Variants in CFAP46 observed in about 807,000 individuals in gnomAD.
CFAP46 encodes cilia- and flagella-associated protein 46.
In CFAP46, 245 loss-of-function variants were observed where a neutral mutation model predicts 325.7. That is an observed-to-expected ratio of 0.75 (90% CI 0.68 to 0.84). The LOEUF is 0.84. CFAP46 is among the 40% of genes least tolerant of loss of function. The pLI is 0.00. For synonymous variants in CFAP46, 1,523 were observed against 1,495.9 expected (o/e 1.02, Z -0.42); for missense variants, 3,346 against 3,543.0 (o/e 0.94, Z 1.41).
chr10:132,834,544 C>T (rs3793688), intron 48 of CFAP46, 110 bp downstream of exon 48: 584,270 of 1,474,588 alleles, frequency 0.4, 119,211 homozygotes, highest in Admixed American at 0.56. Context: ...GAGTCCTGAA[C>T]AAAGGCGGCC....
At chr10:132,899,218 C>A in intron 23 of CFAP46, 97 bp from the exon 24 acceptor site, 2 of 1,332,414 alleles carry the variant, frequency 1.5e-6, no homozygotes, top group Non-Finnish European at 2.0e-6. Flanking sequence ...CAGGGCCCAG[C>A]CACACGCTCG....
intron 1 of CFAP46, 134 bp from the exon 2 acceptor site, chr10:132,942,238 C>T: frequency 3.1e-6 from 4 of 1,292,916 alleles, no homozygotes; most frequent in Non-Finnish European, 4.2e-6. Context: ...CTGTCGCCGC[C>T]AGGGAGCAGC....
chr10:132,839,221 G>A (rs185116483), intron 44 of CFAP46, among the ~76,000 whole-genome samples: 98 of 152,276 alleles, frequency 6.4e-4, no homozygotes, highest in East Asian at 4.2e-3. Context: ...CTGATTTGTC[G>A]TTTTTCCCTT....
At chr10:132,834,485 T>C (rs1003780819) in intron 48 of CFAP46, among the ~76,000 whole-genome samples, 169 bp downstream of exon 48, 11 of 152,074 alleles carry the variant, frequency 7.2e-5, no homozygotes, top group African/African-American at 2.7e-4. Context: ...CAGGCAGGAA[T>C]GGAGGCAGAA....
chr10:132,838,773 G>A (rs1355409460), intron 44 of CFAP46, among the ~76,000 whole-genome samples: 1 of 152,254 alleles, frequency 6.6e-6, no homozygotes, highest in South Asian at 2.1e-4. Context: ...CAGCTACAGC[G>A]ATTCTGCCAG....
chr10:132,814,730 G>T lies in CFAP46; in HGVS notation c.7205C>A (p.Thr2402Asn). 6.2e-7 allele frequency: 1 copy of T among 1,613,498 alleles called. No homozygotes were observed. The highest frequency in any genetic ancestry group is 1.1e-5 in the South Asian group (1 of 91,058). The change falls in exon 52 of 58, where the codon ACC becomes AAC. Residue 2402 changes from threonine (T) to asparagine (N), a missense_variant. Coordinates refer to ENST00000368586, the MANE Select transcript of CFAP46 (RefSeq NM_001200049.3). ...KKGRKGSIPR[T>N]IPPDCIIVDS... ...GACTATGATGCAGTCAGGGGGGATG[G>T]TCCGGGGGATGCTGCCCTGCAACCA...
rs1003895749 is a variant in CFAP46 at position 132,924,900 on chromosome 10, G to A, written c.1066-14C>T. 50 of 1,371,348 alleles carry A rather than the reference G, an allele frequency of 3.6e-5. No individual in the cohort carries two copies. The highest frequency in any genetic ancestry group is 2.0e-4 in the African/African-American group (13 of 65,382). 84.9% of individuals were successfully genotyped at this position (1,371,348 alleles called of 1,614,324 possible). Reference sequence around the variant, plus strand: ...ATCCAGCTGGGCCTGCGGAGAAGACGTGGGGGATTCTAGGGAGGTTGCTGG... The same window carrying A: ...ATCCAGCTGGGCCTGCGGAGAAGACATGGGGGATTCTAGGGAGGTTGCTGG... On this transcript the variant is annotated splice_polypyrimidine_tract_variant and intron_variant, in intron 10 of 57. Coordinates refer to ENST00000368586, the MANE Select transcript of CFAP46 (RefSeq NM_001200049.3).
chr10:132,883,575 C>T (rs4880281), intron 27 of CFAP46, among the ~76,000 whole-genome samples: 52,194 of 152,160 alleles, frequency 0.34, 10,112 homozygotes, highest in Admixed American at 0.5. Flanking sequence ...TCTGATGGCC[C>T]CACACAGGGC....
In CFAP46 at chr10:132,884,233, G is replaced by A. The variant is rs530523034; in HGVS notation, c.3627+870C>T. 4.0e-4 allele frequency among the ~76,000 whole-genome samples: 61 copies of A among 152,254 alleles called. No homozygotes were observed. Among genetic ancestry groups the A allele is most frequent in the African/African-American group, 1.3e-3 (53 of 41,552 alleles). On this transcript the variant is annotated intron_variant, in intron 27 of 57. Transcript: ENST00000368586. This position sits in a 1 kb window ranked among gnomAD's most constrained non-coding sequence, Gnocchi z 5.4. ...GGAACGACGTGGCCTCTGGTTCCCCGGAGCGAGGAGCAGTGGCTCCCTGTG... is the reference window on the plus strand; with the variant it reads ...GGAACGACGTGGCCTCTGGTTCCCCAGAGCGAGGAGCAGTGGCTCCCTGTG...
chr10:132,809,257 C>CA (rs1171887580), intron 57 of CFAP46, among the ~76,000 whole-genome samples: 1 of 152,230 alleles, frequency 6.6e-6, no homozygotes, highest in East Asian at 1.9e-4. Context: ...TGAACAGTGA[C>CA]AGTCACTGGG....
chr10:132,870,681 C>T (rs1325322875), intron 32 of CFAP46, among the ~76,000 whole-genome samples: 2 of 152,274 alleles, frequency 1.3e-5, no homozygotes, highest in Admixed American at 6.5e-5. Flanking sequence ...CGCTGGGAGA[C>T]GTGAGGAAGC....
chr10:132,824,718 T>TGCTGTGTGCGC (rs1491562542), intron 50 of CFAP46, among the ~76,000 whole-genome samples: 1 of 35,624 alleles, frequency 2.8e-5, no homozygotes, highest in Non-Finnish European at 5.0e-5. Flanking sequence ...GCTGTGTGTG[T>TGCTGTGTGCGC]ACTGATGTGT....
At chr10:132,936,298 A>C (rs1344861611) in intron 7 of CFAP46, among the ~76,000 whole-genome samples, 1 of 69,334 alleles carries the variant, frequency 1.4e-5, no homozygotes, top group African/African-American at 6.5e-5. Context: ...TCCCCTCGGC[A>C]CCCAAACACA....
intron 55 of CFAP46, among the ~76,000 whole-genome samples, chr10:132,811,652 G>A (rs1007451949): frequency 3.3e-5 from 5 of 152,222 alleles, no homozygotes; most frequent in South Asian, 2.1e-4. Context: ...GTCCAGCTGC[G>A]TGAGGCCGAG....
In CFAP46 at chr10:132,849,993, C is replaced by T. The variant is rs556958485; in HGVS notation, c.5952+251G>A. Among the ~76,000 whole-genome samples the T allele has an allele frequency of 1.1e-3, 170 of 152,006 alleles. 1 individual carries two copies. The highest frequency in any genetic ancestry group is 3.9e-3 in the African/African-American group (164 of 41,548). The stretch of plus-strand genomic sequence containing the variant: ...GCTGGGGCGGGCTGGCTCTGTGCTG[C>T]TGTGGGCCGACCCAAGTGCCCGCCT... On this transcript the variant is annotated intron_variant, in intron 41 of 57. Transcript: ENST00000368586.
rs763404013 is a variant in CFAP46, at chr10:132,912,710, G to T, written c.2444C>A (p.Ala815Glu). The T allele has an allele frequency of 1.3e-6, 2 of 1,549,976 alleles. No homozygotes were observed. The highest frequency in any genetic ancestry group is 1.7e-6 in the Non-Finnish European group (2 of 1,146,960). Residue 815 changes from alanine to glutamate, a missense_variant, in exon 19 of 58, where the codon GCG becomes GAG. Ala to Glu is a moderately radical substitution (Grantham distance 107, BLOSUM62 -1). Transcript: ENST00000368586. ...EKSRKFMRPN[A>E]FHSPLDAGAT... ...TCCTGCGTCCAGTGGGCTGTGAAAC[G>T]CGTTTGGTCGCATGAATTTCCTGGA...
intron 19 of CFAP46, among the ~76,000 whole-genome samples, 179 bp from the exon 20 acceptor site, chr10:132,910,247 C>A (rs1849521422): frequency 6.6e-6 from 1 of 152,330 alleles, no homozygotes; most frequent in East Asian, 1.9e-4. Context: ...TGAAGCCCCA[C>A]CCCCAGACGC....
rs143361194 is a variant in CFAP46, at chr10:132,905,294, G to A, written c.2924+3174C>T. Among the ~76,000 whole-genome samples, 577 of 152,164 alleles carry A rather than the reference G, an allele frequency of 3.8e-3. 1 individual carries two copies. The highest frequency in any genetic ancestry group is 0.014 in the Middle Eastern group (4 of 294). On this transcript the variant is annotated intron_variant, in intron 22 of 57. Coordinates refer to ENST00000368586, the MANE Select transcript of CFAP46 (RefSeq NM_001200049.3). Reference sequence around the variant, plus strand: ...GTACGCCTCTGAACTGTCCCCATCCGTCCTATGAGGGACTCTGTCTCCCCG... The same window carrying A: ...GTACGCCTCTGAACTGTCCCCATCCATCCTATGAGGGACTCTGTCTCCCCG...
chr10:132,885,026 G>T, intron 27 of CFAP46, 77 bp downstream of exon 27: 1 of 1,439,682 alleles, frequency 6.9e-7, no homozygotes. Flanking sequence ...GGTCCCTGCT[G>T]AGCTTCTGTC....
Sources: allele counts gnomAD v4.1 joint callset (sites outside exome capture counted in the v4.1 genomes callset), GRCh38; gene constraint gnomAD v4.1.1; non-coding constraint Gnocchi (gnomAD v3.1); transcripts MANE v1.5; gene names NCBI Gene and HGNC (gene_info 2026-07-23, HGNC 2026-07-21).